MARCHF1: variants seen among roughly 807,000 people sequenced by gnomAD.
MARCHF1 encodes the protein E3 ubiquitin-protein ligase MARCHF1.
In MARCHF1, 40 loss-of-function variants were observed where a neutral mutation model predicts 54.2. The observed-to-expected ratio is 0.74, with a 90% CI of 0.57 to 0.96. The LOEUF is 0.96. Ranked by LOEUF, MARCHF1 falls within the 40% of genes least tolerant of loss-of-function variation. MARCHF1 has a pLI of 0.00. For synonymous variants in MARCHF1, 236 were observed against 236.3 expected (o/e 1.00, Z 0.01); for missense variants, 586 against 656.5 (o/e 0.89, Z 1.17).
At chr4:164,187,823 T>C (rs1430976) in intron 1 of MARCHF1, among the ~76,000 whole-genome samples, 114,806 of 152,072 alleles carry the variant, frequency 0.75, 43,965 homozygotes, top group Non-Finnish European at 0.83. Flanking sequence ...ACTATTTTCA[T>C]CAACATAGGT....
chr4:164,262,135 G>A (rs952790718), intron 1 of MARCHF1, among the ~76,000 whole-genome samples: 1 of 145,750 alleles, frequency 6.9e-6, no homozygotes, highest in African/African-American at 2.7e-5. Flanking sequence ...AGAATAGAGA[G>A]AATGCTGAGA....
intron 2 of MARCHF1, among the ~76,000 whole-genome samples, chr4:164,034,183 G>C (rs549574315): frequency 6.6e-6 from 1 of 152,184 alleles, no homozygotes; most frequent in South Asian, 2.1e-4. Context: ...TGTTTGCAGG[G>C]ACATGGATGA....
At chr4:163,983,164 T>C (rs1752795984) in intron 3 of MARCHF1, among the ~76,000 whole-genome samples, 3 of 152,172 alleles carry the variant, frequency 2.0e-5, no homozygotes, top group African/African-American at 7.2e-5. Flanking sequence ...AAACACGGCC[T>C]TTGTGTGCCA....
At chr4:163,682,111 T>C (rs1180388895) in intron 5 of MARCHF1, among the ~76,000 whole-genome samples, 1 of 152,226 alleles carries the variant, frequency 6.6e-6, no homozygotes, top group South Asian at 2.1e-4. Context: ...TTGGGAACTA[T>C]AAAAGTTGTT....
chr4:163,914,735 T>C (rs1284608041), intron 3 of MARCHF1, among the ~76,000 whole-genome samples: 1 of 152,160 alleles, frequency 6.6e-6, no homozygotes, highest in Admixed American at 6.6e-5. Flanking sequence ...TGAGAAATGA[T>C]AAGTGTCTAA....
chr4:164,312,578 T>C (rs77083501), intron 1 of MARCHF1, among the ~76,000 whole-genome samples: 5,380 of 152,024 alleles, frequency 0.035, 186 homozygotes, highest in East Asian at 0.12. Context: ...CGCCTCAGCC[T>C]CCGAAAGTGC....
chr4:163,556,354 A>G (rs1361104104), intron 8 of MARCHF1, among the ~76,000 whole-genome samples: 11 of 152,192 alleles, frequency 7.2e-5, no homozygotes, highest in Non-Finnish European at 1.5e-4. Context: ...ATGTCTTTCT[A>G]GAATATTCCT....
intron 1 of MARCHF1, among the ~76,000 whole-genome samples, chr4:164,119,863 C>T (rs1014108225): frequency 2.6e-5 from 4 of 151,542 alleles, no homozygotes; most frequent in Non-Finnish European, 5.9e-5. Flanking sequence ...AAATAAATAC[C>T]ATGCACAAAA....
At chr4:163,908,962 A>G (rs6844489) in intron 3 of MARCHF1, among the ~76,000 whole-genome samples, 82,386 of 151,796 alleles carry the variant, frequency 0.54, 23,428 homozygotes, top group Middle Eastern at 0.67. Flanking sequence ...TAGGACTTTC[A>G]GTAATAAAAT....
intron 1 of MARCHF1, among the ~76,000 whole-genome samples, chr4:164,163,833 T>C (rs1214407911): frequency 6.6e-6 from 1 of 151,906 alleles, no homozygotes; most frequent in African/African-American, 2.4e-5. Flanking sequence ...CAGACTCTAT[T>C]CTGGGTCACA....
At chr4:164,357,328 C>T (rs1344848266) in intron 1 of MARCHF1, among the ~76,000 whole-genome samples, 1 of 152,008 alleles carries the variant, frequency 6.6e-6, no homozygotes, top group Non-Finnish European at 1.5e-5. Context: ...TGGCTCCTTC[C>T]TCCATCTCCA....
chr4:163,685,787 T>C (rs1341741627), intron 5 of MARCHF1, among the ~76,000 whole-genome samples: 1 of 152,176 alleles, frequency 6.6e-6, no homozygotes, highest in Non-Finnish European at 1.5e-5. Flanking sequence ...CACTCCCCTT[T>C]TCTTTGATAG....
intron 1 of MARCHF1, among the ~76,000 whole-genome samples, chr4:164,144,113 A>G (rs1431814639): frequency 5.9e-5 from 9 of 152,160 alleles, no homozygotes; most frequent in South Asian, 2.1e-4. Context: ...TTCAACAAGA[A>G]GAGCTAACTA....
At chr4:164,344,373 A>C (rs1561010634) in intron 1 of MARCHF1, among the ~76,000 whole-genome samples, 2 of 152,148 alleles carry the variant, frequency 1.3e-5, no homozygotes, top group South Asian at 4.1e-4. Context: ...CTGAACCTAA[A>C]ATAAAAGTTA....
intron 5 of MARCHF1, among the ~76,000 whole-genome samples, chr4:163,665,013 T>C (rs1376549101): frequency 6.6e-6 from 1 of 152,080 alleles, no homozygotes; most frequent in Non-Finnish European, 1.5e-5. Flanking sequence ...ATTTTAATAT[T>C]TTTTTGGAGG....
intron 1 of MARCHF1, among the ~76,000 whole-genome samples, chr4:164,120,420 G>A (rs958653804): frequency 5.3e-5 from 8 of 151,970 alleles, no homozygotes; most frequent in Admixed American, 1.3e-4. Context: ...TGCACTGACC[G>A]GATCTTCCAG....
At chr4:163,811,818 C>G (rs1748396464) in intron 4 of MARCHF1, among the ~76,000 whole-genome samples, 1 of 152,100 alleles carries the variant, frequency 6.6e-6, no homozygotes, top group Non-Finnish European at 1.5e-5. Context: ...CTTAATAGAG[C>G]TCAGTGTGAC....
At chr4:163,694,134 G>A (rs1353888419) in intron 5 of MARCHF1, among the ~76,000 whole-genome samples, 1 of 152,242 alleles carries the variant, frequency 6.6e-6, no homozygotes, top group Non-Finnish European at 1.5e-5. Flanking sequence ...CCTCAGAAAC[G>A]GTGGCCAATC....
chr4:163,935,245 T>A (rs537141256), intron 3 of MARCHF1, among the ~76,000 whole-genome samples: 31 of 152,280 alleles, frequency 2.0e-4, no homozygotes, highest in African/African-American at 7.5e-4. Flanking sequence ...AGCTGCATTA[T>A]CCTCTAACAG....
Sources: gnomAD v4.1 joint callset for allele counts (sites outside exome capture counted in the v4.1 genomes callset) on GRCh38, gnomAD v4.1.1 for gene constraint, MANE v1.5 for transcripts, NCBI Gene and HGNC (gene_info 2026-07-23, HGNC 2026-07-21) for gene names.